ZC3H12B: variants seen among roughly 807,000 people sequenced by gnomAD.
ZC3H12B encodes the protein probable ribonuclease ZC3H12B.
ZC3H12B carries 7 observed loss-of-function variants against 43.9 expected under a neutral mutation model. The ratio of observed to expected loss-of-function variants is 0.16; its 90% CI spans 0.09 to 0.30. The LOEUF (loss-of-function observed/expected upper bound fraction) is 0.30, where lower values mean the gene tolerates loss of function less well. ZC3H12B is among the 10% of genes least tolerant of loss of function. The pLI, the probability that ZC3H12B is intolerant of heterozygous loss-of-function variation, is 1.00. For missense variants in ZC3H12B, 475 were observed against 670.2 expected (o/e 0.71, Z 3.22); for synonymous variants, 222 against 241.7 (o/e 0.92, Z 0.76).
At chrX:65,352,462 T>C in the ZC3H12B span, among the ~76,000 whole-genome samples, 1 of 17,521 alleles carries the variant, frequency 5.7e-5, no homozygotes, top group Non-Finnish European at 9.5e-5. Flanking sequence ...ACTTAAAGTA[T>C]AATTTAAAAA....
chrX:65,301,725 G>A, the ZC3H12B span, among the ~76,000 whole-genome samples: 2 of 110,878 alleles, frequency 1.8e-5, no homozygotes, highest in East Asian at 5.6e-4. Context: ...GGATGGGTGG[G>A]GGAAAAAGAC....
chrX:65,358,808 G>A, the ZC3H12B span, among the ~76,000 whole-genome samples: 1 of 111,561 alleles, frequency 9.0e-6, no homozygotes, highest in African/African-American at 3.3e-5. Context: ...TCAAAAGCTA[G>A]CAGAAGGCAA....
the ZC3H12B span, among the ~76,000 whole-genome samples, chrX:65,252,419 A>G: frequency 6.3e-5 from 7 of 111,886 alleles, no homozygotes; most frequent in East Asian, 2.0e-3. Flanking sequence ...TGTCTCTGCC[A>G]GGGCCAGGCA....
chrX:65,196,590 C>A, the ZC3H12B span, among the ~76,000 whole-genome samples: 1 of 111,777 alleles, frequency 8.9e-6, no homozygotes, highest in African/African-American at 3.3e-5. Context: ...GACCACCAGA[C>A]GTAGAACTCT....
At chrX:65,426,243 C>T (rs1290500273) in intron 3 of ZC3H12B, among the ~76,000 whole-genome samples, 1 of 109,050 alleles carries the variant, frequency 9.2e-6, no homozygotes, top group African/African-American at 3.3e-5. Context: ...CAGTTTATTA[C>T]CTAGAGGTGT....
the ZC3H12B span, among the ~76,000 whole-genome samples, chrX:65,222,464 C>T: frequency 1.8e-5 from 2 of 110,331 alleles, no homozygotes; most frequent in Admixed American, 9.7e-5. Flanking sequence ...ATCCAAAAAG[C>T]TTCTAAAGCT....
chrX:65,446,308 G>T (rs896602915), intron 3 of ZC3H12B, among the ~76,000 whole-genome samples: 1 of 111,693 alleles, frequency 9.0e-6, no homozygotes, highest in Non-Finnish European at 1.9e-5. Context: ...ACTGCCTGGG[G>T]TTAAGAGAGA....
At chrX:65,339,788 G>C in the ZC3H12B span, among the ~76,000 whole-genome samples, 2 of 111,796 alleles carry the variant, frequency 1.8e-5, no homozygotes, top group Non-Finnish European at 3.8e-5. Context: ...GAGAGCTCAA[G>C]TGGGGTGGCC....
At chrX:65,198,958 C>G in the ZC3H12B span, among the ~76,000 whole-genome samples, 1 of 110,979 alleles carries the variant, frequency 9.0e-6, no homozygotes, top group Non-Finnish European at 1.9e-5. Flanking sequence ...TCCTGAGTAT[C>G]TGAGATTACA....
intron 1 of ZC3H12B, 110 bp from the exon 7 acceptor site, chrX:65,497,022 G>T: frequency 3.9e-6 from 2 of 517,466 alleles, no homozygotes; most frequent in Admixed American, 5.3e-5. Context: ...AGAAAGAAAA[G>T]AATGTAAATG....
chrX:65,414,862 A>T (rs749264644), intron 3 of ZC3H12B, among the ~76,000 whole-genome samples: 1 of 112,416 alleles, frequency 8.9e-6, no homozygotes, highest in East Asian at 2.8e-4. Flanking sequence ...CTTATGGCAT[A>T]CATAATGATT....
chrX:65,161,246 G>C, the ZC3H12B span, among the ~76,000 whole-genome samples: 3 of 111,439 alleles, frequency 2.7e-5, no homozygotes, highest in Non-Finnish European at 1.9e-5. Context: ...CTGTTGATTT[G>C]GGGTGGAGAG....
intron 3 of ZC3H12B, among the ~76,000 whole-genome samples, chrX:65,412,670 G>A (rs1422373270): frequency 9.0e-6 from 1 of 110,909 alleles, no homozygotes; most frequent in Non-Finnish European, 1.9e-5. Context: ...GTTTCACCAT[G>A]CTACCCAGGC....
At chrX:65,314,068 A>G in the ZC3H12B span, among the ~76,000 whole-genome samples, 1 of 111,683 alleles carries the variant, frequency 9.0e-6, no homozygotes, top group Non-Finnish European at 1.9e-5. Context: ...TTGGGATGAT[A>G]GAAGGAACTA....
chrX:65,189,738 T>G, the ZC3H12B span, among the ~76,000 whole-genome samples: 5 of 110,202 alleles, frequency 4.5e-5, no homozygotes, highest in Admixed American at 1.9e-4. Flanking sequence ...TTTCTCCCAT[T>G]TTGTAAGTTG....
chrX:65,053,246 A>G, the ZC3H12B span, among the ~76,000 whole-genome samples: 3 of 110,410 alleles, frequency 2.7e-5, no homozygotes, highest in Non-Finnish European at 5.7e-5. Context: ...TCCTAATGCT[A>G]TCCGTCCCCA....
chrX:65,354,163 C>T, the ZC3H12B span, among the ~76,000 whole-genome samples: 1 of 112,199 alleles, frequency 8.9e-6, no homozygotes, highest in African/African-American at 3.2e-5. Flanking sequence ...TCCTGTGTAT[C>T]CTGATGAGGA....
chrX:65,151,121 G>C, the ZC3H12B span, among the ~76,000 whole-genome samples: 7 of 111,715 alleles, frequency 6.3e-5, no homozygotes, highest in Non-Finnish European at 1.1e-4. Flanking sequence ...GTTAATTTTT[G>C]TTCAAGATTT....
At chrX:65,191,786 A>G in the ZC3H12B span, among the ~76,000 whole-genome samples, 24 of 108,469 alleles carry the variant, frequency 2.2e-4, no homozygotes, top group African/African-American at 6.5e-4. Flanking sequence ...AGGGTTTTTT[A>G]TGTCTCTATT....
Sources: gnomAD v4.1 joint callset for allele counts (sites outside exome capture counted in the v4.1 genomes callset) on GRCh38, gnomAD v4.1.1 for gene constraint, MANE v1.5 for transcripts, NCBI Gene and HGNC (gene_info 2026-07-23, HGNC 2026-07-21) for gene names.